The following SCO1 variants were observed in gnomAD, a reference collection of about 807,000 sequenced individuals.
SCO1 encodes the protein cytochrome c oxidase assembly factor SCO1.
A neutral mutation model predicts 34.0 loss-of-function variants in SCO1; 23 were observed. That is an observed-to-expected ratio of 0.68 (90% CI 0.49 to 0.96). The LOEUF is 0.96. SCO1 is among the 40% of genes least tolerant of loss of function. SCO1 has a pLI of 0.00. For synonymous variants in SCO1, 161 were observed against 145.5 expected (o/e 1.11, Z -0.77); for missense variants, 404 against 381.6 (o/e 1.06, Z -0.49).
intron 5 of SCO1, chr17:10,683,825 C>T (rs1482469346): frequency 6.6e-6 from 1 of 151,950 alleles, no homozygotes; most frequent in Non-Finnish European, 1.5e-5. Context: ...TCTGAAGAGT[C>T]CACTCAAAAG....
chr17:10,690,601 G>C (rs1261100877), intron 4 of SCO1, among the ~76,000 whole-genome samples: 1 of 152,202 alleles, frequency 6.6e-6, no homozygotes, highest in Non-Finnish European at 1.5e-5. Flanking sequence ...ATGTAAATTA[G>C]TATAACCATT....
chr17:10,690,301 C>T (rs1296416465), intron 4 of SCO1, among the ~76,000 whole-genome samples: 1 of 152,138 alleles, frequency 6.6e-6, no homozygotes, highest in African/African-American at 2.4e-5. Context: ...ATTCATCAGA[C>T]TAGGGAGTTA....
rs1292387259 is a variant in SCO1, at chr17:10,675,422, A to T, written c.*5697T>A. 6.6e-6 allele frequency: 1 copy of T among 152,226 alleles called. No homozygotes were observed. Among genetic ancestry groups the T allele is most frequent in the African/African-American group, 2.4e-5 (1 of 41,446 alleles). 9.4% of individuals were successfully genotyped at this position (152,226 alleles called of 1,614,324 possible). A position where few individuals can be genotyped will look rare whatever the true frequency, so the allele number is the denominator to read the frequency against. ...CCACATCACAGACTTGCTTTCTTTC[A>T]AGACTGCCTTTTGCAGGGACTCTTT... On this transcript the variant is annotated 3_prime_UTR_variant, in exon 6 of 6. Coordinates refer to ENST00000255390, the MANE Select transcript of SCO1 (RefSeq NM_004589.4).
chr17:10,692,750 G>A lies in SCO1; in HGVS notation c.562+14C>T, dbSNP rs765591319. The A allele has an allele frequency of 1.2e-6, 2 of 1,606,858 alleles. No homozygotes were observed. The highest frequency in any genetic ancestry group is 1.1e-5 in the South Asian group (1 of 90,930). The stretch of plus-strand genomic sequence containing the variant: ...TAAACATATACTTTGTTTAGTTAGT[G>A]ATGGCTTTCTTACCTATTTCATCCA... On this transcript the variant is annotated intron_variant, in intron 3 of 5. Transcript: ENST00000255390.
At position 10,689,115 on chromosome 17, in the gene SCO1, C is replaced by CA. The variant is rs556558488; in HGVS notation, c.656-2274dup. On this transcript the variant is annotated intron_variant, in intron 4 of 5. Transcript: ENST00000255390. ...TGGGCGACAGAGCGAGACTCCGTCTCAAAAAAAAAAAAAAAAAAAAGAAAG... is the reference window on the plus strand; with the variant it reads ...TGGGCGACAGAGCGAGACTCCGTCTCAAAAAAAAAAAAAAAAAAAAAGAAAG... Among the ~76,000 whole-genome samples, 340 of 67,586 alleles carry CA rather than the reference C, an allele frequency of 5.0e-3. 8 individuals are homozygous for CA. The highest frequency in any genetic ancestry group is 0.012 in the South Asian group (20 of 1,708). The allele number at this position is 67,586 out of a possible 152,430, so 44.3% of individuals were successfully genotyped here.
intron 1 of SCO1, 25 bp from the exon 2 acceptor site, chr17:10,695,856 T>TA (rs748660103): frequency 6.5e-7 from 1 of 1,548,362 alleles, no homozygotes; most frequent in South Asian, 1.1e-5. Context: ...ATTTCAAACA[T>TA]AAAAATTCTA....
intron 5 of SCO1, chr17:10,684,038 A>C (rs2074638460): frequency 6.6e-6 from 1 of 152,196 alleles, no homozygotes; most frequent in Admixed American, 6.5e-5. Flanking sequence ...AAGCTGAAGA[A>C]TGTCTCCCCC....
chr17:10,694,784 C>T (rs995576715), intron 2 of SCO1, among the ~76,000 whole-genome samples: 1 of 152,116 alleles, frequency 6.6e-6, no homozygotes, highest in African/African-American at 2.4e-5. Context: ...CTTTGTGAAA[C>T]TAAAGAAACT....
rs1034905463 is a variant in SCO1, at chr17:10,674,447, C to CA, written c.*6671dup. The CA allele has an allele frequency of 4.2e-5, 12 of 286,872 alleles. No individual in the cohort carries two copies. The highest frequency in any genetic ancestry group is 1.3e-4 in the South Asian group (4 of 31,962). 17.8% of individuals were successfully genotyped at this position (286,872 alleles called of 1,614,324 possible). ...ATCTCAAAACAAACAAACAAACAAA[C>CA]AAAAAAACAGACTGTGATTGAGGAG... On this transcript the variant is annotated 3_prime_UTR_variant, in exon 6 of 6. Coordinates refer to ENST00000255390, the MANE Select transcript of SCO1 (RefSeq NM_004589.4).
At position 10,673,014 on chromosome 17, in the gene SCO1, T is replaced by A. The variant is rs2074556778; in HGVS notation, c.*8105A>T. On this transcript the variant is annotated 3_prime_UTR_variant, in exon 6 of 6. Coordinates refer to ENST00000255390, the MANE Select transcript of SCO1 (RefSeq NM_004589.4). ...CTAATTTTTCTTTTTTTTCTTTTTT[T>A]TTTTTTTTGAGATGGAGTCTTGCCC... is the stretch of plus-strand genomic sequence containing the variant. 6.6e-6 allele frequency: 1 copy of A among 151,416 alleles called. No homozygotes were observed. The highest frequency in any genetic ancestry group is 2.4e-5 in the African/African-American group (1 of 41,234). 9.4% of individuals were successfully genotyped at this position (151,416 alleles called of 1,614,324 possible).
In SCO1 at chr17:10,674,443, C is replaced by CAAAA. The variant is rs982561603; in HGVS notation, c.*6675_*6676insTTTT. 3.5e-6 allele frequency: 1 copy of CAAAA among 288,438 alleles called. No homozygotes were observed. The highest frequency in any genetic ancestry group is 2.3e-5 in the African/African-American group (1 of 43,588). The allele number at this position is 288,438 out of a possible 1,614,324, so 17.9% of individuals were successfully genotyped here. The stretch of plus-strand genomic sequence containing the variant: ...CTCCATCTCAAAACAAACAAACAAA[C>CAAAA]AAACAAAAAAACAGACTGTGATTGA... On this transcript the variant is annotated 3_prime_UTR_variant, in exon 6 of 6. Coordinates refer to ENST00000255390, the MANE Select transcript of SCO1 (RefSeq NM_004589.4).
chr17:10,673,910 AT>A lies in SCO1; in HGVS notation c.*7208del, dbSNP rs1283395213. ...GGGGCAATTAAATAATTATCAGAAA[AT>A]GGAATTTGTTTATTTGAGAGACTCT... On this transcript the variant is annotated 3_prime_UTR_variant, in exon 6 of 6. Transcript: ENST00000255390. 6.6e-6 allele frequency: 1 copy of A among 152,224 alleles called. No individual in the cohort carries two copies. The highest frequency in any genetic ancestry group is 1.9e-4 in the East Asian group (1 of 5,200). The allele number at this position is 152,224 out of a possible 1,614,324, so 9.4% of individuals were successfully genotyped here. A position where few individuals can be genotyped will look rare whatever the true frequency, so the allele number is the denominator to read the frequency against.
chr17:10,685,106 G>C (rs1461089004), intron 5 of SCO1, among the ~76,000 whole-genome samples: 1 of 152,172 alleles, frequency 6.6e-6, no homozygotes, highest in Non-Finnish European at 1.5e-5. Flanking sequence ...CAGGTTCAAA[G>C]GGACAAAGAA....
chr17:10,686,730 G>A lies in SCO1; in HGVS notation c.768C>T (p.Tyr256=). The A allele has an allele frequency of 6.3e-7, 1 of 1,585,136 alleles. No homozygotes were observed. Among genetic ancestry groups the A allele is most frequent in the Non-Finnish European group, 8.7e-7 (1 of 1,153,552 alleles). Residue 256 remains tyrosine (Y), a synonymous_variant, in exon 5 of 6, where the codon TAC becomes TAT. Transcript: ENST00000255390. ...SPGPKDEDED[Y]IVDHTIIMYL... is the part of the protein sequence containing the mutation. ...TAAAACTGGAACATTTACTCACTAT[G>A]TAGTCTTCATCTTCGTCCTTGGGGC...
chr17:10,697,212 A>T, intron 1 of SCO1, 23 bp downstream of exon 1: 1 of 1,510,236 alleles, frequency 6.6e-7, no homozygotes. Flanking sequence ...CGAGCACCAG[A>T]AGGGTTCCAG....
chr17:10,688,038 T>C (rs1238852408), intron 4 of SCO1, among the ~76,000 whole-genome samples: 1 of 152,236 alleles, frequency 6.6e-6, no homozygotes, highest in Non-Finnish European at 1.5e-5. Flanking sequence ...TATGCTTAAG[T>C]ATACGTAGTA....
intron 2 of SCO1, among the ~76,000 whole-genome samples, chr17:10,693,281 T>C (rs949294417): frequency 2.0e-5 from 3 of 152,142 alleles, no homozygotes; most frequent in African/African-American, 7.2e-5. Context: ...TAGAGCTGAA[T>C]GTCTAAACAA....
rs1019914508 is a variant in SCO1, at chr17:10,680,388, T to C, written c.*731A>G. The C allele has an allele frequency of 3.9e-5, 6 of 154,556 alleles. No homozygotes were observed. Among genetic ancestry groups the C allele is most frequent in the African/African-American group, 1.2e-4 (5 of 41,462 alleles). 9.6% of individuals were successfully genotyped at this position (154,556 alleles called of 1,614,324 possible). On this transcript the variant is annotated 3_prime_UTR_variant, in exon 6 of 6. Coordinates refer to ENST00000255390, the MANE Select transcript of SCO1 (RefSeq NM_004589.4). ...TTTACACAAAGTACAATCCAGTATA[T>C]GCAGAAAGGTACTCAGCATCACACT...
intron 1 of SCO1, among the ~76,000 whole-genome samples, chr17:10,696,079 A>T (rs1224128428): frequency 2.0e-5 from 3 of 149,790 alleles, no homozygotes; most frequent in Non-Finnish European, 3.0e-5. Flanking sequence ...AATAAAAAAA[A>T]AAAAAAAAAA....
Sources: gnomAD v4.1 joint callset for allele counts (sites outside exome capture counted in the v4.1 genomes callset) on GRCh38, gnomAD v4.1.1 for gene constraint, MANE v1.5 for transcripts, NCBI Gene and HGNC (gene_info 2026-07-23, HGNC 2026-07-21) for gene names.